KIAA0586: variants seen among roughly 807,000 people sequenced by gnomAD.
KIAA0586 encodes the protein protein TALPID3.
In KIAA0586, 144 loss-of-function variants were observed where a neutral mutation model predicts 169.8. That is an observed-to-expected ratio of 0.85 (90% CI 0.74 to 0.97). KIAA0586 has a LOEUF of 0.97. Ranked by LOEUF, KIAA0586 falls within the 50% of genes least tolerant of loss-of-function variation. The pLI is 0.00. For synonymous variants in KIAA0586, 625 were observed against 612.4 expected (o/e 1.02, Z -0.30); for missense variants, 1,854 against 1,823.0 (o/e 1.02, Z -0.31).
intron 10 of KIAA0586, 25 bp downstream of exon 10, chr14:58,456,835 T>C: frequency 8.7e-7 from 1 of 1,147,586 alleles, no homozygotes; most frequent in African/African-American, 1.5e-5. Flanking sequence ...GTCTTAAAAT[T>C]GATGATTAGT....
Position 58,508,643 on chromosome 14 carries a change from C to A in KIAA0586, c.4257C>A (p.Pro1419=). 1 of 1,595,812 alleles carries A rather than the reference C, an allele frequency of 6.3e-7. No individual in the cohort carries two copies. The highest frequency in any genetic ancestry group is 2.3e-5 in the East Asian group (1 of 44,320). ...ELEPNSKLVL[P]TTLLTAQEND... ...AGCCAAATTCTAAGCTGGTTCTTCC[C>A]ACAACACTTCTGACAGCACAAGAAA... is the stretch of plus-strand genomic sequence containing the variant. Residue 1419 remains proline (P), a synonymous_variant, in exon 28 of 31, where the codon CCC becomes CCA. Coordinates refer to ENST00000652326, the MANE Select transcript of KIAA0586 (RefSeq NM_001329943.3).
chr14:58,491,169 T>G (rs1273395769), intron 25 of KIAA0586, among the ~76,000 whole-genome samples: 1 of 152,180 alleles, frequency 6.6e-6, no homozygotes. Flanking sequence ...CTCTTTGAAC[T>G]TTTTCAAGTG....
At chr14:58,518,109 A>G (rs900835653) in intron 29 of KIAA0586, among the ~76,000 whole-genome samples, 2 of 152,152 alleles carry the variant, frequency 1.3e-5, no homozygotes, top group African/African-American at 2.4e-5. Flanking sequence ...TTATACTTCA[A>G]TAAAATGATG....
chr14:58,443,933 A>G lies in KIAA0586; in HGVS notation c.586-21A>G, dbSNP rs750957627. On this transcript the variant is annotated intron_variant, in intron 5 of 30. Transcript: ENST00000652326. The stretch of plus-strand genomic sequence containing the variant: ...TGGTATCCTATAATGTGAATTTTTA[A>G]AAATGTTTTTATTGTTTTAGGTGCA... 9 of 1,465,962 alleles carry G rather than the reference A, an allele frequency of 6.1e-6. No homozygotes were observed. The African/African-American group carries it at 7.1e-5, about 11-fold the overall frequency. The allele number at this position is 1,465,962 out of a possible 1,614,324, so 90.8% of individuals were successfully genotyped here. A position where few individuals can be genotyped will look rare whatever the true frequency, so the allele number is the denominator to read the frequency against.
rs776392718 is a variant in KIAA0586 at position 58,488,591 on chromosome 14, C to A, written c.3528-30C>A. ...TGAATACAGGCCTTCAGTGACCTAACAAGCTCCAAATATGTCTTTATTTTC... is the reference window on the plus strand; with the variant it reads ...TGAATACAGGCCTTCAGTGACCTAAAAAGCTCCAAATATGTCTTTATTTTC... On this transcript the variant is annotated intron_variant, in intron 23 of 30. Transcript: ENST00000652326. 5.0e-6 allele frequency: 8 copies of A among 1,609,422 alleles called. No individual in the cohort carries two copies. In the South Asian group the frequency reaches 7.7e-5, roughly 16 times the overall value.
chr14:58,511,146 T>A (rs2044355322), intron 28 of KIAA0586, among the ~76,000 whole-genome samples: 1 of 152,310 alleles, frequency 6.6e-6, no homozygotes, highest in East Asian at 1.9e-4. Context: ...TGTATCTCAA[T>A]AAAACTTTAA....
At chr14:58,475,569 T>G (rs572244469) in intron 19 of KIAA0586, among the ~76,000 whole-genome samples, 1 of 152,336 alleles carries the variant, frequency 6.6e-6, no homozygotes, top group South Asian at 2.1e-4. Context: ...TGTTACATAT[T>G]ACAATAACAA....
intron 7 of KIAA0586, 84 bp from the exon 8 acceptor site, chr14:58,450,495 T>C (rs1487703588): frequency 1.4e-6 from 1 of 721,600 alleles, no homozygotes; most frequent in African/African-American, 1.8e-5. Flanking sequence ...GAATTTATTT[T>C]TAAAGTATAG....
chr14:58,528,270 C>A (rs749385355), intron 29 of KIAA0586, among the ~76,000 whole-genome samples: 1 of 152,046 alleles, frequency 6.6e-6, no homozygotes, highest in Non-Finnish European at 1.5e-5. Context: ...CTTTAACTCC[C>A]CACTGTCAAT....
intron 29 of KIAA0586, among the ~76,000 whole-genome samples, chr14:58,522,214 A>G (rs1046007443): frequency 6.6e-6 from 1 of 151,954 alleles, no homozygotes; most frequent in Non-Finnish European, 1.5e-5. Flanking sequence ...TTACCTTGTA[A>G]TTTTTGCTTT....
At chr14:58,552,916 T>C (rs1197574220), downstream of KIAA0586, among the ~76,000 whole-genome samples, 3 of 152,236 alleles carry the variant, frequency 2.0e-5, no homozygotes, top group African/African-American at 7.2e-5. Context: ...TTCCTGAACA[T>C]GGACATTTTT....
chr14:58,468,864 C>G (rs760141841), intron 16 of KIAA0586, among the ~76,000 whole-genome samples: 4 of 152,226 alleles, frequency 2.6e-5, no homozygotes, highest in African/African-American at 7.2e-5. Context: ...TTAGACTGCT[C>G]CAAGGTTCCT....
At chr14:58,441,522 T>C (rs1425285969) in intron 4 of KIAA0586, among the ~76,000 whole-genome samples, 2 of 152,126 alleles carry the variant, frequency 1.3e-5, no homozygotes, top group African/African-American at 4.8e-5. Flanking sequence ...AATTCTTATA[T>C]AAATATTTGG....
chr14:58,556,651 G>A, the KIAA0586 span, among the ~76,000 whole-genome samples: 1 of 152,122 alleles, frequency 6.6e-6, no homozygotes, highest in Non-Finnish European at 1.5e-5. Context: ...TGAATTTCAT[G>A]TAGGTAGAAT....
At chr14:58,483,898 G>A (rs2042199418) in intron 21 of KIAA0586, among the ~76,000 whole-genome samples, 1 of 152,024 alleles carries the variant, frequency 6.6e-6, no homozygotes, top group African/African-American at 2.4e-5. Context: ...AGATTGTTGT[G>A]GTATAATGTG....
chr14:58,439,871 C>A, intron 4 of KIAA0586: 1 of 972,682 alleles, frequency 1.0e-6, no homozygotes, highest in South Asian at 4.8e-5. Context: ...TTTACTTAGA[C>A]TCTCTTAGGG....
chr14:58,437,108 TGA>T (rs2037892557), intron 4 of KIAA0586, among the ~76,000 whole-genome samples: 2 of 151,450 alleles, frequency 1.3e-5, no homozygotes, highest in African/African-American at 4.9e-5. Context: ...CAGGGAGGAG[TGA>T]GTTAGATTGG....
At chr14:58,438,174 A>G (rs952839538) in intron 4 of KIAA0586, among the ~76,000 whole-genome samples, 1 of 152,168 alleles carries the variant, frequency 6.6e-6, no homozygotes, top group Non-Finnish European at 1.5e-5. Flanking sequence ...ACTAGAATGA[A>G]ATAATTGCTT....
chr14:58,465,954 T>G lies in KIAA0586; in HGVS notation c.2179T>G (p.Phe727Val), dbSNP rs2040730617. 4 of 1,613,626 alleles carry G rather than the reference T, an allele frequency of 2.5e-6. No individual in the cohort carries two copies. The South Asian group carries it at 3.3e-5, about 13-fold the overall frequency. The change falls in exon 15 of 31, where the codon TTC (phenylalanine) becomes GTC (valine). Residue 727 changes from phenylalanine to valine, a missense_variant. Phe to Val is a conservative substitution (Grantham distance 50). Transcript: ENST00000652326. ...ACCTCATGGCGATCAGCAATATTTG[T>G]TCAGCCCAAGTAGAGAAATGCCTAC... Reference protein sequence around the residue: ...VLPHGDQQYLFSPSREMPTFS... With the variant: ...VLPHGDQQYLVSPSREMPTFS...
Sources: gnomAD v4.1 joint callset for allele counts (sites outside exome capture counted in the v4.1 genomes callset) on GRCh38, gnomAD v4.1.1 for gene constraint, MANE v1.5 for transcripts, NCBI Gene and HGNC (gene_info 2026-07-23, HGNC 2026-07-21) for gene names.